The following PDE4D variants were observed in gnomAD, a reference collection of about 807,000 sequenced individuals.
PDE4D encodes the protein 3',5'-cyclic-AMP phosphodiesterase 4D.
A neutral mutation model predicts 87.4 loss-of-function variants in PDE4D; 24 were observed. The observed-to-expected ratio is 0.27, with a 90% CI of 0.20 to 0.39. PDE4D has a LOEUF of 0.39. Among genes scored for constraint, PDE4D ranks in the 10% least tolerant of loss-of-function variants. PDE4D has a pLI of 1.00. For missense variants in PDE4D, 714 were observed against 1,041.0 expected, an observed-to-expected ratio of 0.69 and a Z score of 4.32; for synonymous variants, 384 against 383.2, an observed-to-expected ratio of 1.00 and a Z score of -0.02.
At chr5:60,226,005 T>C (rs1189460158) in intron 1 of PDE4D, among the ~76,000 whole-genome samples, 1 of 152,082 alleles carries the variant, frequency 6.6e-6, no homozygotes, top group South Asian at 2.1e-4. Flanking sequence ...AATAAGTATA[T>C]GGATATGCAG....
chr5:59,034,135 A>T (rs939361154), intron 6 of PDE4D, among the ~76,000 whole-genome samples: 3 of 152,202 alleles, frequency 2.0e-5, no homozygotes, highest in Non-Finnish European at 2.9e-5. Context: ...AATCTTTCAT[A>T]TTAACTTTAA....
intron 1 of PDE4D, among the ~76,000 whole-genome samples, chr5:60,326,956 C>A (rs1027046324): frequency 6.6e-6 from 1 of 152,056 alleles, no homozygotes; most frequent in African/African-American, 2.4e-5. Context: ...TTAGATAGGT[C>A]TTTTTCAGAA....
intron 2 of PDE4D, among the ~76,000 whole-genome samples, chr5:60,120,701 C>T (rs766844528): frequency 2.0e-5 from 3 of 152,060 alleles, no homozygotes; most frequent in South Asian, 2.1e-4. Context: ...TACTGCCTGG[C>T]GAAGTTTATA....
At chr5:59,710,072 CTA>C (rs752747448) in intron 1 of PDE4D, among the ~76,000 whole-genome samples, 24 of 152,094 alleles carry the variant, frequency 1.6e-4, no homozygotes, top group Non-Finnish European at 2.4e-4. Context: ...GACATGGTGA[CTA>C]TGTGCATCTG....
intron 1 of PDE4D, among the ~76,000 whole-genome samples, chr5:59,632,475 A>C (rs1375667984): frequency 6.6e-6 from 1 of 152,200 alleles, no homozygotes; most frequent in East Asian, 1.9e-4. Context: ...GGGTTGACAG[A>C]CACTTCATAC....
chr5:59,823,269 A>G (rs1769919920), intron 1 of PDE4D, among the ~76,000 whole-genome samples: 2 of 152,162 alleles, frequency 1.3e-5, no homozygotes, highest in Admixed American at 1.3e-4. Context: ...ATAATGCTCC[A>G]ATTTGTAGAC....
intron 1 of PDE4D, among the ~76,000 whole-genome samples, chr5:59,428,423 T>C (rs1179443071): frequency 6.6e-6 from 1 of 152,146 alleles, no homozygotes; most frequent in African/African-American, 2.4e-5. Flanking sequence ...CCTTCCATCC[T>C]TCCTTCCTCA....
chr5:59,540,974 A>C (rs939504924), intron 1 of PDE4D, among the ~76,000 whole-genome samples: 1 of 152,184 alleles, frequency 6.6e-6, no homozygotes, highest in African/African-American at 2.4e-5. Context: ...TTAGGAAGAA[A>C]GAAGACCTTA....
intron 5 of PDE4D, among the ~76,000 whole-genome samples, chr5:59,089,667 C>A (rs1768343548): frequency 6.6e-6 from 1 of 152,038 alleles, no homozygotes; most frequent in Non-Finnish European, 1.5e-5. Context: ...ATTATGCTGC[C>A]TATAAAAGGA....
At chr5:60,259,143 T>C (rs1398646062) in intron 1 of PDE4D, among the ~76,000 whole-genome samples, 1 of 152,088 alleles carries the variant, frequency 6.6e-6, no homozygotes, top group African/African-American at 2.4e-5. Flanking sequence ...TATTGAGTTC[T>C]TCCTATAATT....
chr5:59,586,229 G>T, intron 1 of PDE4D: 1 of 859,268 alleles, frequency 1.2e-6, no homozygotes, highest in Non-Finnish European at 1.9e-6. Flanking sequence ...ATTCTCACTT[G>T]ATACCAATAC....
intron 1 of PDE4D, among the ~76,000 whole-genome samples, chr5:59,681,029 G>C (rs1419842709): frequency 6.6e-6 from 1 of 151,962 alleles, no homozygotes; most frequent in Non-Finnish European, 1.5e-5. Flanking sequence ...TCTACTAAAA[G>C]GACCTAGAAG....
At chr5:59,924,480 CA>C (rs536877267) in intron 3 of PDE4D, among the ~76,000 whole-genome samples, 25 of 149,282 alleles carry the variant, frequency 1.7e-4, no homozygotes, top group South Asian at 1.1e-3. Flanking sequence ...ACTCTAAAAG[CA>C]ACAGGAGAAA....
intron 2 of PDE4D, among the ~76,000 whole-genome samples, chr5:60,159,811 A>G (rs947853548): frequency 2.0e-5 from 3 of 152,230 alleles, no homozygotes; most frequent in African/African-American, 7.2e-5. Flanking sequence ...AAATCAAGGA[A>G]TGAGATGTCA....
At chr5:58,999,547 T>TTATA (rs768680200) in intron 6 of PDE4D, 1 of 1,409,918 alleles carries the variant, frequency 7.1e-7, no homozygotes, top group East Asian at 2.5e-5. Context: ...TTTTGATTGA[T>TTATA]TATATGTATA....
chr5:59,988,657 G>C (rs1762686122), exon 3 of PDE4D: 2 of 1,599,112 alleles, frequency 1.3e-6, no homozygotes, highest in Non-Finnish European at 8.5e-7. Flanking sequence ...ACAAGATAGG[G>C]TTCCATTCCG....
At chr5:59,696,538 G>T (rs934151446) in intron 1 of PDE4D, among the ~76,000 whole-genome samples, 3 of 152,158 alleles carry the variant, frequency 2.0e-5, no homozygotes, top group African/African-American at 7.2e-5. Context: ...GGAGAGGAAT[G>T]CATTTGCAAT....
chr5:60,372,739 C>T (rs1038011852), intron 1 of PDE4D: 4 of 152,190 alleles, frequency 2.6e-5, no homozygotes, highest in Admixed American at 6.5e-5. Flanking sequence ...TGACCTCTCC[C>T]GGACTCAGGT....
At chr5:59,332,539 T>C (rs1365735937) in intron 1 of PDE4D, among the ~76,000 whole-genome samples, 3 of 152,206 alleles carry the variant, frequency 2.0e-5, no homozygotes, top group Non-Finnish European at 4.4e-5. Flanking sequence ...TTCTCCATTT[T>C]CCTGTCCTTA....
Sources: gnomAD v4.1 joint callset for allele counts (sites outside exome capture counted in the v4.1 genomes callset) on GRCh38, gnomAD v4.1.1 for gene constraint, MANE v1.5 for transcripts, NCBI Gene and HGNC (gene_info 2026-07-23, HGNC 2026-07-21) for gene names.